The following TIAM1 variants were observed in gnomAD, a reference collection of about 807,000 sequenced individuals.
The protein encoded by TIAM1 is TIAM Rac1 associated GEF 1, also known as rho guanine nucleotide exchange factor TIAM1.
TIAM1 carries 65 observed loss-of-function variants against 163.5 expected under a neutral mutation model. The ratio of observed to expected loss-of-function variants is 0.40; its 90% CI spans 0.33 to 0.49. TIAM1 has a LOEUF of 0.49. TIAM1 is among the 20% of genes least tolerant of loss of function. TIAM1 has a pLI of 0.77. For synonymous variants in TIAM1, 833 were observed against 810.1 expected, an observed-to-expected ratio of 1.03 and a Z score of -0.48; for missense variants, 1,789 against 2,044.7, an observed-to-expected ratio of 0.87 and a Z score of 2.41.
chr21:31,334,447 C>T (rs532712401), intron 2 of TIAM1, among the ~76,000 whole-genome samples: 251 of 152,238 alleles, frequency 1.6e-3, no homozygotes, highest in African/African-American at 5.7e-3. Context: ...ACACTGCACT[C>T]GGCTGTTCTT....
chr21:31,157,471 A>C (rs2146338206), intron 16 of TIAM1, among the ~76,000 whole-genome samples: 1 of 152,260 alleles, frequency 6.6e-6, no homozygotes, highest in South Asian at 2.1e-4. Context: ...ACAAGTTTTT[A>C]TTTTATAATG....
intron 2 of TIAM1, among the ~76,000 whole-genome samples, chr21:31,459,626 C>T (rs1055122626): frequency 3.9e-5 from 6 of 152,090 alleles, no homozygotes; most frequent in Admixed American, 3.9e-4. Context: ...AGATGGCGTC[C>T]GCAACCAGAA....
intron 2 of TIAM1, among the ~76,000 whole-genome samples, chr21:31,424,300 C>T (rs994884504): frequency 1.3e-5 from 2 of 152,146 alleles, no homozygotes; most frequent in South Asian, 2.1e-4. Context: ...GATTTGTCTA[C>T]GATCTCACAG....
At chr21:31,432,616 G>C (rs2044080666) in intron 2 of TIAM1, among the ~76,000 whole-genome samples, 1 of 152,200 alleles carries the variant, frequency 6.6e-6, no homozygotes, top group Non-Finnish European at 1.5e-5. Flanking sequence ...GTAAAGACTG[G>C]AAAGATGCGG....
At chr21:31,323,422 G>A (rs1456123911) in intron 2 of TIAM1, among the ~76,000 whole-genome samples, 2 of 152,116 alleles carry the variant, frequency 1.3e-5, no homozygotes, top group African/African-American at 4.8e-5. Flanking sequence ...AGACATCAGT[G>A]GTAGGCCAGG....
chr21:31,394,516 A>G (rs2077018769), intron 2 of TIAM1, among the ~76,000 whole-genome samples: 1 of 152,088 alleles, frequency 6.6e-6, no homozygotes, highest in Admixed American at 6.6e-5. Flanking sequence ...GGTGGTGATG[A>G]CAGTTGAATG....
intron 2 of TIAM1, among the ~76,000 whole-genome samples, chr21:31,337,518 G>GTTA (rs55760697): frequency 0.052 from 7,608 of 147,204 alleles, 237 homozygotes; most frequent in African/African-American, 0.083. Flanking sequence ...TATTATTGTT[G>GTTA]TTATTATTAT....
intron 1 of TIAM1, among the ~76,000 whole-genome samples, chr21:31,547,277 A>G (rs895617349): frequency 4.6e-5 from 7 of 152,256 alleles, no homozygotes; most frequent in African/African-American, 1.7e-4. Context: ...TTTTAGAAAC[A>G]AAGTATATCT....
intron 15 of TIAM1, among the ~76,000 whole-genome samples, chr21:31,170,280 G>A (rs749789191): frequency 2.0e-5 from 3 of 152,186 alleles, no homozygotes; most frequent in Non-Finnish European, 4.4e-5. Flanking sequence ...GGATACAGAA[G>A]ATGTAAAAAT....
At chr21:31,407,721 C>T (rs1319845776) in intron 2 of TIAM1, among the ~76,000 whole-genome samples, 1 of 150,186 alleles carries the variant, frequency 6.7e-6, no homozygotes, top group Non-Finnish European at 1.5e-5. Flanking sequence ...CTGCAACCTC[C>T]ACCTCCCTGG....
chr21:31,257,639 C>A (rs1305622996), intron 4 of TIAM1, among the ~76,000 whole-genome samples: 1 of 152,130 alleles, frequency 6.6e-6, no homozygotes, highest in African/African-American at 2.4e-5. Context: ...ATCCGGCACA[C>A]CACTGCCAGG....
intron 2 of TIAM1, among the ~76,000 whole-genome samples, chr21:31,298,737 T>G (rs558352422): frequency 2.4e-5 from 3 of 124,484 alleles, no homozygotes; most frequent in South Asian, 2.5e-4. Context: ...CAATTGAGGG[T>G]GTGTGTGTGT....
chr21:31,162,888 A>AT (rs1478641275), intron 16 of TIAM1, among the ~76,000 whole-genome samples: 1 of 152,182 alleles, frequency 6.6e-6, no homozygotes, highest in Non-Finnish European at 1.5e-5. Context: ...CATGTTCCAG[A>AT]TAAGTTCAAG....
chr21:31,483,090 A>G (rs1298348211), intron 1 of TIAM1, among the ~76,000 whole-genome samples: 4 of 152,206 alleles, frequency 2.6e-5, no homozygotes, highest in Non-Finnish European at 5.9e-5. Context: ...GTATCACACC[A>G]TGGCGGGCTG....
chr21:31,336,423 C>T (rs1830740690), intron 2 of TIAM1, among the ~76,000 whole-genome samples: 1 of 150,264 alleles, frequency 6.7e-6, no homozygotes, highest in Non-Finnish European at 1.5e-5. Flanking sequence ...TGAGCAGCTG[C>T]AGTGTGAAAA....
At chr21:31,534,230 C>T (rs1286526502) in intron 1 of TIAM1, among the ~76,000 whole-genome samples, 1 of 152,218 alleles carries the variant, frequency 6.6e-6, no homozygotes, top group Non-Finnish European at 1.5e-5. Context: ...ACATGCTGGC[C>T]AGGAGACATT....
At chr21:31,307,693 T>C (rs2074767494) in intron 2 of TIAM1, among the ~76,000 whole-genome samples, 1 of 151,978 alleles carries the variant, frequency 6.6e-6, no homozygotes, top group Non-Finnish European at 1.5e-5. Context: ...TTCAAGGAGC[T>C]CAAGTCTAGC....
At chr21:31,270,734 T>G (rs976325592) in intron 3 of TIAM1, among the ~76,000 whole-genome samples, 5 of 152,256 alleles carry the variant, frequency 3.3e-5, no homozygotes, top group African/African-American at 1.2e-4. Flanking sequence ...TTTGGTTTTT[T>G]TGGCTCATCC....
In TIAM1 at chr21:31,430,241, T is replaced by A. The variant is rs1332460878; in HGVS notation, c.-369+33742A>T. 4.3e-3 allele frequency among the ~76,000 whole-genome samples: 573 copies of A among 133,560 alleles called. 9 individuals are homozygous for A. Among genetic ancestry groups the A allele is most frequent in the African/African-American group, 0.017 (539 of 32,102 alleles). 87.6% of individuals were successfully genotyped at this position (133,560 alleles called of 152,430 possible). A position where few individuals can be genotyped will look rare whatever the true frequency, so the allele number is the denominator to read the frequency against. The stretch of plus-strand genomic sequence containing the variant: ...AAAAAAAAAAATATATATATATATA[T>A]ATATATACACACACACACACACACA... On this transcript the variant is annotated intron_variant, in intron 2 of 28. Transcript: ENST00000286827.
Sources: gnomAD v4.1 joint callset for allele counts (sites outside exome capture counted in the v4.1 genomes callset) on GRCh38, gnomAD v4.1.1 for gene constraint, MANE v1.5 for transcripts, NCBI Gene and HGNC (gene_info 2026-07-23, HGNC 2026-07-21) for gene names.